COQ8A: variants seen among roughly 807,000 people sequenced by gnomAD.
The protein encoded by COQ8A is atypical kinase COQ8A, mitochondrial.
A neutral mutation model predicts 65.0 loss-of-function variants in COQ8A; 51 were observed. The observed-to-expected ratio is 0.78, with a 90% CI of 0.63 to 0.99. COQ8A has a LOEUF of 0.99. COQ8A is among the 50% of genes least tolerant of loss of function. COQ8A has a pLI of 0.00. For synonymous variants in COQ8A, 371 were observed against 353.2 expected (o/e 1.05, Z -0.57); for missense variants, 940 against 875.0 (o/e 1.07, Z -0.94).
Position 226,961,506 on chromosome 1 carries a change from A to G in COQ8A, c.121A>G (p.Arg41Gly). The change falls in exon 2 of 15, where the codon AGG (arginine) becomes GGG (glycine). Residue 41 changes from arginine (R) to glycine (G), a missense_variant. Transcript: ENST00000366777. ...CGGAGGGGAGCTGATCATGGCGGCC[A>G]GGGCCCTGCAGTCCACGGCTGTGGA... ...GIGGELIMAA[R>G]ALQSTAVEQI... The G allele has an allele frequency of 6.2e-7, 1 of 1,613,840 alleles. No individual in the cohort carries two copies. Among genetic ancestry groups the G allele is most frequent in the Non-Finnish European group, 8.5e-7 (1 of 1,179,992 alleles).
intron 1 of COQ8A, among the ~76,000 whole-genome samples, chr1:226,956,287 C>A (rs1657752367): frequency 1.9e-5 from 2 of 107,082 alleles, no homozygotes; most frequent in African/African-American, 8.6e-5. Flanking sequence ...CTGGCTTCCA[C>A]TCTCCCTGGT....
chr1:226,985,398 G>C, intron 14 of COQ8A, 58 bp downstream of exon 14: 3 of 1,586,188 alleles, frequency 1.9e-6, no homozygotes, highest in Non-Finnish European at 8.6e-7. Context: ...GGCTCCCTGT[G>C]TAAGAATGGA....
chr1:226,986,301 TG>T, intron 14 of COQ8A, 151 bp from the exon 15 acceptor site: 1 of 854,310 alleles, frequency 1.2e-6, no homozygotes. Flanking sequence ...CCGGCCCCTG[TG>T]GGTTTGAGTT....
rs869054883 is a variant in COQ8A at position 226,972,808 on chromosome 1, C to CAG, written c.656-4641_656-4640insAG. On this transcript the variant is annotated intron_variant, in intron 4 of 14. Coordinates refer to ENST00000366777, the MANE Select transcript of COQ8A (RefSeq NM_020247.5). This position sits in a 1 kb window ranked among gnomAD's most constrained non-coding sequence, Gnocchi z 4.3. ...ATGTAAGGACATTTAAAACAAAGCA[C>CAG]CACTTTATACCATCACTTTATTTAT... is the stretch of plus-strand genomic sequence containing the variant. Among the ~76,000 whole-genome samples the CAG allele has an allele frequency of 7.9e-6, 1 of 126,508 alleles. No individual in the cohort carries two copies. The highest frequency in any genetic ancestry group is 2.3e-4 in the East Asian group (1 of 4,354). The allele number at this position is 126,508 out of a possible 152,430, so 83.0% of individuals were successfully genotyped here. A position where few individuals can be genotyped will look rare whatever the true frequency, so the allele number is the denominator to read the frequency against.
At position 226,949,187 on chromosome 1, in the gene COQ8A, C is replaced by T. The variant is rs970064692; in HGVS notation, c.-10+8788C>T. On this transcript the variant is annotated intron_variant, in intron 1 of 14. Transcript: ENST00000366777. The surrounding 1 kb of genome is among the most constrained non-coding windows in gnomAD (Gnocchi z 4.0). ...GAGTGGAGTGCGCTCACATGGCTCG[C>T]GCGTAGCTGGAGGCTGGAAAGGAGG... 6.6e-6 allele frequency among the ~76,000 whole-genome samples: 1 copy of T among 151,558 alleles called. No individual in the cohort carries two copies. Among genetic ancestry groups the T allele is most frequent in the African/African-American group, 2.4e-5 (1 of 41,246 alleles).
At chr1:226,944,346 G>C (rs1656868524) in intron 1 of COQ8A, among the ~76,000 whole-genome samples, 1 of 152,096 alleles carries the variant, frequency 6.6e-6, no homozygotes, top group Non-Finnish European at 1.5e-5. Context: ...CAGAGCCTAT[G>C]GGAGGTTTAT....
chr1:226,954,026 A>G lies in COQ8A; in HGVS notation c.-9-7351A>G, dbSNP rs187534880. On this transcript the variant is annotated intron_variant, in intron 1 of 14. Coordinates refer to ENST00000366777, the MANE Select transcript of COQ8A (RefSeq NM_020247.5). ...GTGCCCACACAGGCTAGAAATTGAG[A>G]ATGTTCATGCCCAAAGTGAAAAGAC... Among the ~76,000 whole-genome samples the G allele has an allele frequency of 1.1e-3, 173 of 152,342 alleles. 1 individual carries two copies. Among genetic ancestry groups the G allele is most frequent in the African/African-American group, 3.7e-3 (154 of 41,570 alleles).
chr1:226,964,472 G>T lies in COQ8A; in HGVS notation c.178-528G>T, dbSNP rs535954728. ...GAGCTCTTAGGGACGGCCAGGCCTG[G>T]TCCTGGTTGTAACCACCTCTCCAGT... On this transcript the variant is annotated intron_variant, in intron 2 of 14. Coordinates refer to ENST00000366777, the MANE Select transcript of COQ8A (RefSeq NM_020247.5). Among the ~76,000 whole-genome samples, 4 of 152,280 alleles carry T rather than the reference G, an allele frequency of 2.6e-5. No homozygotes were observed. The South Asian group carries it at 8.3e-4, about 32-fold the overall frequency.
At chr1:226,984,471 G>A in intron 11 of COQ8A, 77 bp from the exon 12 acceptor site, 1 of 1,394,288 alleles carries the variant, frequency 7.2e-7, no homozygotes, top group Non-Finnish European at 1.0e-6. Context: ...AGGAGGCAGG[G>A]GCTTCTCTGG....
chr1:226,950,187 C>T (rs1300396314), intron 1 of COQ8A, among the ~76,000 whole-genome samples: 1 of 152,146 alleles, frequency 6.6e-6, no homozygotes, highest in African/African-American at 2.4e-5. Flanking sequence ...GCTCTGAGCC[C>T]ATGCAGGTTC....
chr1:226,956,869 C>A (rs1657807078), intron 1 of COQ8A, among the ~76,000 whole-genome samples: 1 of 131,524 alleles, frequency 7.6e-6, no homozygotes, highest in Non-Finnish European at 1.6e-5. Context: ...TTCACACTCT[C>A]CCTGGCTCCC....
chr1:226,964,329 C>G (rs372517010), intron 2 of COQ8A, among the ~76,000 whole-genome samples: 5 of 152,292 alleles, frequency 3.3e-5, no homozygotes, highest in East Asian at 3.9e-4. Flanking sequence ...GGAGCTCACT[C>G]AAGGTCACTC....
chr1:226,956,795 C>T (rs867462991), intron 1 of COQ8A, among the ~76,000 whole-genome samples: 7 of 86,952 alleles, frequency 8.1e-5, no homozygotes, highest in Non-Finnish European at 1.3e-4. Context: ...CACTCTCCCT[C>T]GTTCACACTC....
At chr1:226,980,858 C>T (rs113672069) in intron 5 of COQ8A, among the ~76,000 whole-genome samples, 1 of 152,216 alleles carries the variant, frequency 6.6e-6, no homozygotes, top group Non-Finnish European at 1.5e-5. Context: ...CGGCCCGCCC[C>T]ACCCTGGTTT....
At chr1:226,983,473 T>C in intron 8 of COQ8A, 79 bp from the exon 9 acceptor site, 1 of 1,348,366 alleles carries the variant, frequency 7.4e-7, no homozygotes. Context: ...GGAAGCCAGT[T>C]GGGGGTTGGG....
chr1:226,982,418 AAATTTCTTTTGT>A lies in COQ8A; in HGVS notation c.854-255_854-244del, dbSNP rs1186300672. 3 of 646,136 alleles carry A rather than the reference AAATTTCTTTTGT, an allele frequency of 4.6e-6. No individual in the cohort carries two copies. The African/African-American group carries it at 5.5e-5, about 12-fold the overall frequency. The allele number at this position is 646,136 out of a possible 1,614,324, so 40.0% of individuals were successfully genotyped here. On this transcript the variant is annotated intron_variant, in intron 6 of 14. Coordinates refer to ENST00000366777, the MANE Select transcript of COQ8A (RefSeq NM_020247.5). ...AACATTTTACTATGTTTTATTTTCC[AAATTTCTTTTGT>A]AATTATGAAAAACTCTGCATGTTGA...
chr1:226,973,568 C>T (rs1187187401), intron 4 of COQ8A, among the ~76,000 whole-genome samples: 2 of 152,202 alleles, frequency 1.3e-5, no homozygotes, highest in East Asian at 3.8e-4. Flanking sequence ...AGGGACAGAT[C>T]CTGAGAACCT....
Position 226,986,782 on chromosome 1 carries a change from TCAGA to T in COQ8A, c.*49_*52del, listed in dbSNP as rs754966860. 1.4e-5 allele frequency: 22 copies of T among 1,595,502 alleles called. No individual in the cohort carries two copies. Among genetic ancestry groups the T allele is most frequent in the Admixed American group, 3.4e-5 (2 of 58,278 alleles). ...GCCGGCTCCGCGGGAACTCTCTCCC[TCAGA>T]CAGGCCAAAAACCAGTAGCGAGGTC... On this transcript the variant is annotated 3_prime_UTR_variant, in exon 15 of 15. Coordinates refer to ENST00000366777, the MANE Select transcript of COQ8A (RefSeq NM_020247.5).
chr1:226,983,752 C>G lies in COQ8A; in HGVS notation c.1163-9C>G. ...CCCTTCCTCGCTGATGCCCTCCTCC[C>G]TGGCCCAGGCCTGTTCCCCGAGCAC... On this transcript the variant is annotated splice_polypyrimidine_tract_variant and intron_variant, in intron 9 of 14. Coordinates refer to ENST00000366777, the MANE Select transcript of COQ8A (RefSeq NM_020247.5). 1 of 1,613,152 alleles carries G rather than the reference C, an allele frequency of 6.2e-7. No homozygotes were observed. The highest frequency in any genetic ancestry group is 8.5e-7 in the Non-Finnish European group (1 of 1,179,960).
Sources: gnomAD v4.1 joint callset for allele counts (sites outside exome capture counted in the v4.1 genomes callset) on GRCh38, gnomAD v4.1.1 for gene constraint, Gnocchi (gnomAD v3.1) non-coding constraint, MANE v1.5 for transcripts, NCBI Gene and HGNC (gene_info 2026-07-23, HGNC 2026-07-21) for gene names.